The following PTGER3 variants were observed in gnomAD, a reference collection of about 807,000 sequenced individuals.
PTGER3 encodes prostaglandin E2 receptor EP3 subtype.
Under a neutral mutation model 34.7 loss-of-function variants are expected in PTGER3, and 22 were observed. That is an observed-to-expected ratio of 0.63 (90% CI 0.45 to 0.91). PTGER3 has a LOEUF of 0.91. Ranked by LOEUF, PTGER3 falls within the 40% of genes least tolerant of loss-of-function variation. The probability of loss-of-function intolerance (pLI) is 0.00; values close to 1 mark genes in which losing one functional copy is unlikely to be tolerated. For missense variants in PTGER3, 468 were observed against 519.4 expected, an observed-to-expected ratio of 0.90 and a Z score of 0.96; for synonymous variants, 241 against 230.1, an observed-to-expected ratio of 1.05 and a Z score of -0.43.
At chr1:71,032,523 A>C (rs935070957) in intron 1 of PTGER3, among the ~76,000 whole-genome samples, 2 of 152,250 alleles carry the variant, frequency 1.3e-5, no homozygotes, top group African/African-American at 4.8e-5. Flanking sequence ...AAGCTTTGAA[A>C]AAAGAACACA....
chr1:71,011,921 A>G, intron 2 of PTGER3: 13 of 1,190,860 alleles, frequency 1.1e-5, no homozygotes, highest in Non-Finnish European at 1.4e-5. Context: ...CCCGCTCCCC[A>G]ATAGACCAAG....
At chr1:70,912,006 A>G (rs922235296) in intron 4 of PTGER3, among the ~76,000 whole-genome samples, 1 of 152,158 alleles carries the variant, frequency 6.6e-6, no homozygotes, top group Admixed American at 6.5e-5. Flanking sequence ...AAAATAGCTG[A>G]TAATGACATC....
chr1:70,964,583 G>A (rs975108702), intron 2 of PTGER3, among the ~76,000 whole-genome samples: 2 of 152,148 alleles, frequency 1.3e-5, no homozygotes, highest in African/African-American at 4.8e-5. Context: ...AGAACAGACA[G>A]GAAAGACCCG....
At chr1:70,951,887 G>A (rs1650792213), downstream of PTGER3, among the ~76,000 whole-genome samples, 1 of 152,254 alleles carries the variant, frequency 6.6e-6, no homozygotes. Context: ...AATGAGCTGA[G>A]ATAGTAAATA....
rs542910936 is a variant in PTGER3 at position 70,857,921 on chromosome 1, T to C, written c.*24-5062A>G. Among the ~76,000 whole-genome samples, 34 of 152,346 alleles carry C rather than the reference T, an allele frequency of 2.2e-4. No homozygotes were observed. In the South Asian group the frequency reaches 7.0e-3, roughly 32 times the overall value. Reference sequence around the variant, plus strand: ...AAACATACTCATCACTCACAACACATAAATTCAGGCCAGTTTACTGGGAAT... The same window carrying C: ...AAACATACTCATCACTCACAACACACAAATTCAGGCCAGTTTACTGGGAAT... On this transcript the variant is annotated intron_variant, in intron 4 of 4. Coordinates refer to the PTGER3 transcript ENST00000370931.
At chr1:71,045,780 G>A (rs1660718324) in intron 1 of PTGER3, among the ~76,000 whole-genome samples, 1 of 151,992 alleles carries the variant, frequency 6.6e-6, no homozygotes. Context: ...CTGAGCTTCC[G>A]GATCCCACTG....
intron 2 of PTGER3, among the ~76,000 whole-genome samples, chr1:70,996,706 C>T (rs1655999534): frequency 6.9e-6 from 1 of 145,578 alleles, no homozygotes; most frequent in Admixed American, 6.9e-5. Flanking sequence ...CTCTGTCGCG[C>T]AGGCTGGAGT....
intron 4 of PTGER3, among the ~76,000 whole-genome samples, chr1:70,895,303 T>C (rs1252315505): frequency 1.3e-5 from 2 of 152,228 alleles, no homozygotes; most frequent in East Asian, 3.8e-4. Context: ...TTGCTGGTCA[T>C]GAATAGCAAC....
intron 3 of PTGER3, among the ~76,000 whole-genome samples, chr1:70,972,051 G>C (rs1294570473): frequency 3.3e-5 from 5 of 152,168 alleles, no homozygotes; most frequent in African/African-American, 1.2e-4. Context: ...AAGTAGGCCA[G>C]ACGCGGTGGT....
intron 4 of PTGER3, among the ~76,000 whole-genome samples, chr1:70,924,179 TTATC>T (rs1194395199): frequency 6.6e-6 from 1 of 152,150 alleles, no homozygotes; most frequent in African/African-American, 2.4e-5. Flanking sequence ...AAAGTCTTAT[TTATC>T]TAAGATTTTT....
intron 1 of PTGER3, among the ~76,000 whole-genome samples, chr1:71,019,965 T>A (rs1193051679): frequency 1.3e-5 from 2 of 152,226 alleles, no homozygotes; most frequent in Non-Finnish European, 2.9e-5. Context: ...AATTCTCTGT[T>A]GTTAGGTTAT....
rs1229243201 is a variant in PTGER3, at chr1:70,978,620, G to C, written c.1078-4232C>G. On this transcript the variant is annotated intron_variant, in intron 2 of 3. Transcript: ENST00000306666. ...CTGCCTTGCAGGAGTGTGTGCTCTA[G>C]TTGGGAAGCAATTGAAATAACAAGA... 4.6e-5 allele frequency among the ~76,000 whole-genome samples: 7 copies of C among 152,180 alleles called. No individual in the cohort carries two copies. In the South Asian group the frequency reaches 1.5e-3, roughly 32 times the overall value.
At chr1:70,900,666 C>T (rs1474568372) in intron 4 of PTGER3, among the ~76,000 whole-genome samples, 1 of 152,088 alleles carries the variant, frequency 6.6e-6, no homozygotes, top group African/African-American at 2.4e-5. Context: ...GTCATTAAGA[C>T]AGGTATGGCC....
At chr1:70,886,734 T>C (rs1646506245) in intron 4 of PTGER3, among the ~76,000 whole-genome samples, 1 of 152,190 alleles carries the variant, frequency 6.6e-6, no homozygotes, top group African/African-American at 2.4e-5. Flanking sequence ...ACAGGAATTT[T>C]TGTACTGTTC....
At chr1:70,885,551 AGT>A (rs899655676) in intron 4 of PTGER3, among the ~76,000 whole-genome samples, 1 of 152,190 alleles carries the variant, frequency 6.6e-6, no homozygotes, top group Admixed American at 6.5e-5. Context: ...ACAAAATATA[AGT>A]GGAGATAGAG....
intron 1 of PTGER3, among the ~76,000 whole-genome samples, chr1:71,040,133 AAG>A (rs975473445): frequency 3.3e-5 from 5 of 151,706 alleles, no homozygotes; most frequent in Admixed American, 1.3e-4. Context: ...AAGAAAGAGA[AAG>A]AGAGAAAGAA....
At chr1:70,928,819 A>G (rs557205567) in intron 4 of PTGER3, among the ~76,000 whole-genome samples, 6 of 151,854 alleles carry the variant, frequency 4.0e-5, no homozygotes, top group Non-Finnish European at 8.8e-5. Flanking sequence ...AAATTTCAGA[A>G]ATTCACATTG....
At chr1:70,893,372 C>G (rs904135414) in intron 4 of PTGER3, among the ~76,000 whole-genome samples, 1 of 152,150 alleles carries the variant, frequency 6.6e-6, no homozygotes, top group Non-Finnish European at 1.5e-5. Flanking sequence ...CACAGGACAC[C>G]GCCTCTTGTT....
intron 4 of PTGER3, among the ~76,000 whole-genome samples, chr1:70,896,952 G>A (rs1409010467): frequency 1.3e-5 from 2 of 152,126 alleles, no homozygotes; most frequent in Admixed American, 1.3e-4. Context: ...TGTAGTTTGA[G>A]TAGGAGTAAA....
Sources: gnomAD v4.1 joint callset for allele counts (sites outside exome capture counted in the v4.1 genomes callset) on GRCh38, gnomAD v4.1.1 for gene constraint, MANE v1.5 for transcripts, NCBI Gene and HGNC (gene_info 2026-07-23, HGNC 2026-07-21) for gene names.